The following GATA3 variants were observed in gnomAD, a reference collection of about 807,000 sequenced individuals.
GATA3 encodes the protein GATA binding protein 3.
GATA3 carries 6 observed loss-of-function variants against 36.0 expected under a neutral mutation model. The observed-to-expected ratio is 0.17, with a 90% confidence interval of 0.09 to 0.33. GATA3 has a LOEUF of 0.33. Among genes scored for constraint, GATA3 ranks in the 10% least tolerant of loss-of-function variants. The pLI is 1.00. For synonymous variants in GATA3, 326 were observed against 273.0 expected (o/e 1.19, Z -1.92); for missense variants, 514 against 610.1 (o/e 0.84, Z 1.66).
At position 8,064,054 on chromosome 10, in the gene GATA3, G is replaced by T. The variant is rs144796042; in HGVS notation, c.840G>T (p.Thr280=). The change falls in exon 4 of 6, where the codon ACG becomes ACT. Residue 280 remains threonine, a synonymous_variant. Coordinates refer to ENST00000379328, the MANE Select transcript of GATA3 (RefSeq NM_001002295.2). ...CCCCACTGTGGCGGCGAGATGGCAC[G>T]GGACACTACCTGTGCAACGCCTGCG... ...TSTPLWRRDG[T]GHYLCNACGL... 6.2e-7 allele frequency: 1 copy of T among 1,614,048 alleles called. No individual in the cohort carries two copies. The highest frequency in any genetic ancestry group is 1.3e-5 in the African/African-American group (1 of 74,904).
rs148344178 is a variant in GATA3, at chr10:8,048,211, G to A, written c.-370+2696G>A. Among the ~76,000 whole-genome samples, 457 of 152,328 alleles carry A rather than the reference G, an allele frequency of 3.0e-3. 2 individuals are homozygous for A. The highest frequency in any genetic ancestry group is 4.9e-3 in the Non-Finnish European group (335 of 68,022). ...CGGCTGAGGCCAGCGCTGGGGGTTG[G>A]GGCTGTGGTTGGCCAGGGGGCTCAG... On this transcript the variant is annotated intron_variant, in intron 1 of 1. Coordinates refer to the GATA3 transcript ENST00000643001.
chr10:8,054,317 A>T (rs753788381), upstream of GATA3, among the ~76,000 whole-genome samples: 7 of 152,220 alleles, frequency 4.6e-5, no homozygotes, highest in Non-Finnish European at 1.0e-4. The surrounding 1 kb of genome is among the most constrained non-coding windows in gnomAD (Gnocchi z 4.2). Flanking sequence ...AACTTCATGA[A>T]TGGGGCAGGC....
chr10:8,070,579 A>G (rs1832915421), intron 5 of GATA3, among the ~76,000 whole-genome samples: 1 of 152,174 alleles, frequency 6.6e-6, no homozygotes. Context: ...CCGGGGCTGA[A>G]CAGGGAGGAG....
In GATA3 at chr10:8,074,554, C is replaced by T. The variant is rs756849522; in HGVS notation, c.*531C>T. The T allele has an allele frequency of 1.5e-4, 34 of 233,860 alleles. No homozygotes were observed. Among genetic ancestry groups the T allele is most frequent in the Non-Finnish European group, 2.5e-4 (30 of 118,606 alleles). The allele number at this position is 233,860 out of a possible 1,614,324, so 14.5% of individuals were successfully genotyped here. A position where few individuals can be genotyped will look rare whatever the true frequency, so the allele number is the denominator to read the frequency against. On this transcript the variant is annotated 3_prime_UTR_variant, in exon 6 of 6. Transcript: ENST00000379328. The stretch of plus-strand genomic sequence containing the variant: ...GAAAAAAAAAGAAAAAAGTTGTAGG[C>T]GAATCATTTGTTCAAAGCTGTTGGC...
rs11567885 is a variant in GATA3, at chr10:8,055,519, C to T, written c.-137C>T. Reference sequence around the variant, plus strand: ...CACCTTTGCTTCCCAGCCTTCCCATCCCCCCACCGAAAGCAAATCATTCAA... The same window carrying T: ...CACCTTTGCTTCCCAGCCTTCCCATTCCCCCACCGAAAGCAAATCATTCAA... On this transcript the variant is annotated 5_prime_UTR_variant, in exon 2 of 6. Transcript: ENST00000379328. The surrounding 1 kb of genome is among the most constrained non-coding windows in gnomAD (Gnocchi z 5.4). 1.0e-5 allele frequency: 9 copies of T among 899,204 alleles called. No homozygotes were observed. Among genetic ancestry groups the T allele is most frequent in the Non-Finnish European group, 1.3e-5 (8 of 598,994 alleles). The allele number at this position is 899,204 out of a possible 1,614,324, so 55.7% of individuals were successfully genotyped here.
chr10:8,063,922 A>G (rs1387287604), intron 3 of GATA3, 71 bp from the exon 4 acceptor site: 2 of 1,608,198 alleles, frequency 1.2e-6, no homozygotes, highest in Non-Finnish European at 8.5e-7. Context: ...TTTCTCCCCC[A>G]GTTCCAAATG....
intron 3 of GATA3, among the ~76,000 whole-genome samples, chr10:8,062,284 G>A (rs1304392394): frequency 6.6e-6 from 1 of 151,188 alleles, no homozygotes; most frequent in Non-Finnish European, 1.5e-5. Context: ...CTGGGGCACA[G>A]CAAAGGCTCT....
At chr10:8,057,648 A>G (rs760942642) in intron 2 of GATA3, among the ~76,000 whole-genome samples, 1 of 152,140 alleles carries the variant, frequency 6.6e-6, no homozygotes, top group Non-Finnish European at 1.5e-5. Context: ...TGCAAATCCC[A>G]TTTTAGGCCT....
chr10:8,063,240 C>A (rs1832779112), intron 3 of GATA3, among the ~76,000 whole-genome samples: 1 of 152,160 alleles, frequency 6.6e-6, no homozygotes, highest in Admixed American at 6.5e-5. Flanking sequence ...CCTCCCTCCC[C>A]CTCTTCCAGG....
In GATA3 at chr10:8,055,676, G is replaced by A. The variant is rs1185323304; in HGVS notation, c.21G>A (p.Gln7=). ...AGGCCATGGAGGTGACGGCGGACCA[G>A]CCGCGCTGGGTGAGCCACCACCACC... is the stretch of plus-strand genomic sequence containing the variant. MEVTAD[Q]PRWVSHHHPA... Residue 7 remains glutamine, a synonymous_variant, in exon 2 of 6, where the codon CAG becomes CAA. Coordinates refer to ENST00000379328, the MANE Select transcript of GATA3 (RefSeq NM_001002295.2). This position sits in a 1 kb window ranked among gnomAD's most constrained non-coding sequence, Gnocchi z 5.4. 5 of 1,557,704 alleles carry A rather than the reference G, an allele frequency of 3.2e-6. No individual in the cohort carries two copies. In the East Asian group the frequency reaches 1.2e-4, roughly 38 times the overall value.
At chr10:8,046,313 TCG>T (rs1357576867) in intron 1 of GATA3, among the ~76,000 whole-genome samples, 2 of 152,222 alleles carry the variant, frequency 1.3e-5, no homozygotes, top group African/African-American at 4.8e-5. Context: ...TTTCTTTCTC[TCG>T]GACACCAACA....
In GATA3 at chr10:8,074,063, C is replaced by T; in HGVS notation, c.*40C>T. 6.2e-7 allele frequency: 1 copy of T among 1,605,008 alleles called. No homozygotes were observed. The highest frequency in any genetic ancestry group is 1.1e-5 in the South Asian group (1 of 90,502). ...CTCACAGGGCCCCCAGCGAGAGTCC[C>T]TGCAGTCCCTTTCGACTTGCATTTT... On this transcript the variant is annotated 3_prime_UTR_variant, in exon 6 of 6. Transcript: ENST00000379328.
intron 3 of GATA3, among the ~76,000 whole-genome samples, chr10:8,060,360 C>A (rs1832727055): frequency 6.6e-6 from 1 of 151,886 alleles, no homozygotes; most frequent in South Asian, 2.1e-4. Context: ...AGCAAGAGGC[C>A]GGGAGAGCTG....
intron 5 of GATA3, 66 bp from the exon 6 acceptor site, chr10:8,073,673 A>C: frequency 1.3e-6 from 2 of 1,508,764 alleles, no homozygotes; most frequent in Middle Eastern, 3.5e-4. Context: ...TTGGTGTGCG[A>C]GAGCCTGTGC....
rs1410341259 is a variant in GATA3 at position 8,054,969 on chromosome 10, A to T, written c.-370+78A>T. 1 of 162,316 alleles carries T rather than the reference A, an allele frequency of 6.2e-6. No individual in the cohort carries two copies. Among genetic ancestry groups the T allele is most frequent in the Non-Finnish European group, 1.4e-5 (1 of 74,004 alleles). 10.1% of individuals were successfully genotyped at this position (162,316 alleles called of 1,614,324 possible). On this transcript the variant is annotated intron_variant, in intron 1 of 5. Coordinates refer to ENST00000379328, the MANE Select transcript of GATA3 (RefSeq NM_001002295.2). This position sits in a 1 kb window ranked among gnomAD's most constrained non-coding sequence, Gnocchi z 4.2. Reference sequence around the variant, plus strand: ...ACTTGGGAGGACCTAAATCAATTTTAAAAACTCAACTCTCCTCTTTTGGAG... The same window carrying T: ...ACTTGGGAGGACCTAAATCAATTTTTAAAACTCAACTCTCCTCTTTTGGAG...
In GATA3 at chr10:8,055,855, C is replaced by G; in HGVS notation, c.200C>G (p.Ser67Trp). The change falls in exon 2 of 6, where the codon TCG becomes TGG. Residue 67 changes from serine to tryptophan, a missense_variant. Physicochemically the swap from Ser to Trp is radical, Grantham distance 177 (BLOSUM62 -3). Around this residue, in one of 3 missense-constraint regions of GATA3, gnomAD observed 381 missense variants for 354.3 expected, o/e 1.08. Coordinates refer to ENST00000379328, the MANE Select transcript of GATA3 (RefSeq NM_001002295.2). This position sits in a 1 kb window ranked among gnomAD's most constrained non-coding sequence, Gnocchi z 5.4. The stretch of plus-strand genomic sequence containing the variant: ...CACGTCCCGCCCTACTACGGAAACT[C>G]GGTCAGGGCCACGGTGCAGAGGTAC... ...GNHVPPYYGN[S>W]VRATVQRYPP... is the part of the protein sequence containing the mutation. 1 of 1,576,636 alleles carries G rather than the reference C, an allele frequency of 6.3e-7. No individual in the cohort carries two copies. Among genetic ancestry groups the G allele is most frequent in the Non-Finnish European group, 8.6e-7 (1 of 1,160,838 alleles).
intron 3 of GATA3, among the ~76,000 whole-genome samples, chr10:8,059,949 T>C (rs1832720148): frequency 1.3e-5 from 2 of 152,238 alleles, no homozygotes; most frequent in Admixed American, 1.3e-4. Flanking sequence ...CCGCTGTCTC[T>C]CTACAGATCC....
At chr10:8,067,857 C>T (rs934006751) in intron 4 of GATA3, among the ~76,000 whole-genome samples, 2 of 151,856 alleles carry the variant, frequency 1.3e-5, no homozygotes, top group Non-Finnish European at 2.9e-5. Context: ...AAACAAAAAA[C>T]AAAAAACAAA....
chr10:8,074,316 G>A lies in GATA3; in HGVS notation c.*293G>A. On this transcript the variant is annotated 3_prime_UTR_variant, in exon 6 of 6. Transcript: ENST00000379328. ...CTGAACATTGCATATAACTTATATT[G>A]TAAGAAATACTGTACAATGACTTTA... 2 of 429,468 alleles carry A rather than the reference G, an allele frequency of 4.7e-6. No homozygotes were observed. The highest frequency in any genetic ancestry group is 8.3e-6 in the Non-Finnish European group (2 of 240,680). The allele number at this position is 429,468 out of a possible 1,614,324, so 26.6% of individuals were successfully genotyped here.
Sources: allele counts gnomAD v4.1 joint callset (sites outside exome capture counted in the v4.1 genomes callset), GRCh38; gene constraint gnomAD v4.1.1; regional missense constraint gnomAD v4.1.1; non-coding constraint Gnocchi (gnomAD v3.1); transcripts MANE v1.5; gene names NCBI Gene and HGNC (gene_info 2026-07-23, HGNC 2026-07-21).